NEMF: variants seen among roughly 807,000 people sequenced by gnomAD.
NEMF encodes the protein ribosome quality control complex subunit NEMF.
A neutral mutation model predicts 162.2 loss-of-function variants in NEMF; 89 were observed. That is an observed-to-expected ratio of 0.55 (90% CI 0.46 to 0.65). NEMF has a LOEUF of 0.65. NEMF is among the 30% of genes least tolerant of loss of function. The pLI is 0.00. For missense variants in NEMF, 1,133 were observed against 1,261.9 expected, an observed-to-expected ratio of 0.90 and a Z score of 1.55; for synonymous variants, 421 against 404.5, an observed-to-expected ratio of 1.04 and a Z score of -0.49.
rs903407346 is a variant in NEMF at position 49,799,513 on chromosome 14, T to C, written c.2427A>G (p.Lys809=). Residue 809 remains lysine (K), a synonymous_variant, in exon 25 of 33, where the codon AAA becomes AAG. Coordinates refer to ENST00000298310, the MANE Select transcript of NEMF (RefSeq NM_004713.6). ...KEESSNSSDS[K]SQSRRHLSAK... Reference sequence around the variant, plus strand: ...CTGACAAATGTCTCCGGCTCTGTGATTTACTGTCACTCTATTAAAACAAAA... The same window carrying C: ...CTGACAAATGTCTCCGGCTCTGTGACTTACTGTCACTCTATTAAAACAAAA... 6.2e-7 allele frequency: 1 copy of C among 1,612,230 alleles called. No homozygotes were observed. The highest frequency in any genetic ancestry group is 8.5e-7 in the Non-Finnish European group (1 of 1,179,580).
chr14:49,824,126 T>C (rs779774334), intron 16 of NEMF, among the ~76,000 whole-genome samples: 10 of 151,996 alleles, frequency 6.6e-5, no homozygotes, highest in African/African-American at 9.7e-5. Flanking sequence ...GCCAAGATCA[T>C]GCCACTGCAC....
chr14:49,842,920 C>T (rs527554328), intron 4 of NEMF, among the ~76,000 whole-genome samples: 7 of 151,756 alleles, frequency 4.6e-5, no homozygotes, highest in East Asian at 1.9e-4. Flanking sequence ...GCAGGAGAAT[C>T]GCTTGAACCC....
At chr14:49,842,104 T>TTAAG (rs1893241674) in intron 4 of NEMF, among the ~76,000 whole-genome samples, 1 of 140,662 alleles carries the variant, frequency 7.1e-6, no homozygotes, top group Non-Finnish European at 1.5e-5. Context: ...AAACTCCGTC[T>TTAAG]CAAAAAAAAA....
At position 49,806,118 on chromosome 14, in the gene NEMF, G is replaced by A; in HGVS notation, c.1760C>T (p.Pro587Leu). 1 of 1,610,634 alleles carries A rather than the reference G, an allele frequency of 6.2e-7. No individual in the cohort carries two copies. The highest frequency in any genetic ancestry group is 1.7e-5 in the Admixed American group (1 of 59,702). Residue 587 changes from proline to leucine, a missense_variant, in exon 19 of 33, where the codon CCA becomes CTA. Physicochemically the swap from Pro to Leu is moderately conservative, Grantham distance 98 (BLOSUM62 -3). Coordinates refer to ENST00000298310, the MANE Select transcript of NEMF (RefSeq NM_004713.6). ...TGTGCCAGCTTCAGTCAAGGTCCGTGGGGGGATGGGTTCTCCTAGAATAAC... is the reference window on the plus strand; with the variant it reads ...TGTGCCAGCTTCAGTCAAGGTCCGTAGGGGGATGGGTTCTCCTAGAATAAC... ...IKNPTGEPIPPRTLTEAGTMA... is the reference protein window; with the variant it reads ...IKNPTGEPIPLRTLTEAGTMA...
chr14:49,806,160 A>G (rs1891178141), intron 18 of NEMF, 27 bp from the exon 19 acceptor site: 1 of 1,541,522 alleles, frequency 6.5e-7, no homozygotes, highest in African/African-American at 1.4e-5. Flanking sequence ...TAATGTTTCA[A>G]TACCAAAGTA....
chr14:49,820,242 G>A (rs762002422), intron 16 of NEMF: 1 of 344,000 alleles, frequency 2.9e-6, no homozygotes, highest in Non-Finnish European at 5.8e-6. Context: ...GAGCCACTGT[G>A]GCTGGCCCCC....
Position 49,789,143 on chromosome 14 carries a change from T to C in NEMF, c.2895+3A>G. ...GAAGCAGAAGCCCACAAAGTAGCCA[T>C]ACCTTGTCATCATGTGGATCATCTA... On this transcript the variant is annotated splice_donor_region_variant and intron_variant, in intron 28 of 32. Transcript: ENST00000298310. 3 of 1,612,470 alleles carry C rather than the reference T, an allele frequency of 1.9e-6. No individual in the cohort carries two copies. Among genetic ancestry groups the C allele is most frequent in the Non-Finnish European group, 2.5e-6 (3 of 1,178,922 alleles).
chr14:49,802,509 A>G lies in NEMF; in HGVS notation c.2039T>C (p.Met680Thr), dbSNP rs748468795. 1.2e-6 allele frequency: 2 copies of G among 1,613,916 alleles called. No homozygotes were observed. The highest frequency in any genetic ancestry group is 1.7e-6 in the Non-Finnish European group (2 of 1,179,872). Residue 680 changes from methionine (M) to threonine (T), a missense_variant, in exon 22 of 33, where the codon ATG (methionine) becomes ACG (threonine). This residue lies in a region of NEMF where 532 missense variants were observed against 578.6 expected (regional missense o/e 0.92). Transcript: ENST00000298310. Reference protein sequence around the residue: ...ERKVRVQDEDMETLASCTSEL... With the variant: ...ERKVRVQDEDTETLASCTSEL... ...ACTTGTACAACTTGCCAGTGTCTCC[A>G]TGTCTTCATCCTGTACTCTGACTTT...
intron 4 of NEMF, 156 bp downstream of exon 4, chr14:49,845,984 T>A: frequency 1.7e-6 from 1 of 594,226 alleles, no homozygotes. Flanking sequence ...AGGTTATTAC[T>A]GGAAAATTTT....
Position 49,803,259 on chromosome 14 carries a change from T to C in NEMF, c.1893A>G (p.Thr631=). The change falls in exon 20 of 33, where the codon ACA becomes ACG. Residue 631 remains threonine (T), a synonymous_variant. Transcript: ENST00000298310. ...SKTAPTGEYL[T]TGSFMIRGKK... is the part of the protein sequence containing the mutation. ...TACCTCTTATCATGAAGCTTCCTGT[T>C]GTCAAATATTCTCCAGTTGGTGCTG... 6.2e-7 allele frequency: 1 copy of C among 1,610,148 alleles called. No individual in the cohort carries two copies. The highest frequency in any genetic ancestry group is 8.5e-7 in the Non-Finnish European group (1 of 1,176,620).
At position 49,783,385 on chromosome 14, in the gene NEMF, A is replaced by G. The variant is rs1386444147; in HGVS notation, c.*1251T>C. Reference sequence around the variant, plus strand: ...ATAATAAAGGTTTTTTTTTTTAAACATTAATATTCACATTATGACGAAGCT... The same window carrying G: ...ATAATAAAGGTTTTTTTTTTTAAACGTTAATATTCACATTATGACGAAGCT... On this transcript the variant is annotated 3_prime_UTR_variant, in exon 33 of 33. Transcript: ENST00000298310. 6.6e-6 allele frequency: 1 copy of G among 151,512 alleles called. No homozygotes were observed. The highest frequency in any genetic ancestry group is 1.5e-5 in the Non-Finnish European group (1 of 68,122). The allele number at this position is 151,512 out of a possible 1,614,324, so 9.4% of individuals were successfully genotyped here.
intron 5 of NEMF, among the ~76,000 whole-genome samples, chr14:49,838,583 T>A (rs150418716): frequency 1.5e-3 from 223 of 149,676 alleles, no homozygotes; most frequent in African/African-American, 5.3e-3. Flanking sequence ...TTTTTTTGTT[T>A]GGTTTTTTTT....
intron 26 of NEMF, among the ~76,000 whole-genome samples, chr14:49,793,732 A>G (rs1344994464): frequency 6.6e-6 from 1 of 152,158 alleles, no homozygotes; most frequent in African/African-American, 2.4e-5. Context: ...TTGCGTACCC[A>G]TAATTTTTTT....
intron 14 of NEMF, 62 bp downstream of exon 14, chr14:49,828,554 C>G (rs1892478069): frequency 1.5e-6 from 2 of 1,330,784 alleles, no homozygotes; most frequent in African/African-American, 3.0e-5. Flanking sequence ...TTTAAAATGT[C>G]CTTAATTCCT....
At chr14:49,838,785 C>T (rs1171107573) in intron 5 of NEMF, among the ~76,000 whole-genome samples, 8 of 151,966 alleles carry the variant, frequency 5.3e-5, no homozygotes, top group South Asian at 2.1e-4. Flanking sequence ...GGGGTTTCAC[C>T]GTGTTAGCCA....
intron 3 of NEMF, among the ~76,000 whole-genome samples, chr14:49,847,152 G>C (rs1893543760): frequency 6.6e-6 from 1 of 151,516 alleles, no homozygotes; most frequent in Admixed American, 6.6e-5. Flanking sequence ...CCAAAGTGCT[G>C]GGATTACAGG....
At position 49,789,095 on chromosome 14, in the gene NEMF, G is replaced by C. The variant is rs539963732; in HGVS notation, c.2895+51C>G. 1.1e-5 allele frequency: 16 copies of C among 1,470,662 alleles called. No individual in the cohort carries two copies. The Admixed American group carries it at 1.7e-4, about 16-fold the overall frequency. The allele number at this position is 1,470,662 out of a possible 1,614,324, so 91.1% of individuals were successfully genotyped here. Reference sequence around the variant, plus strand: ...AAAGTCCCATGTCCTGGGAACTCCAGGATGGGTAATCACCCTAATTAAGAA... The same window carrying C: ...AAAGTCCCATGTCCTGGGAACTCCACGATGGGTAATCACCCTAATTAAGAA... On this transcript the variant is annotated intron_variant, in intron 28 of 32. Coordinates refer to ENST00000298310, the MANE Select transcript of NEMF (RefSeq NM_004713.6).
At chr14:49,815,129 AT>A (rs1891657035) in intron 16 of NEMF, among the ~76,000 whole-genome samples, 2 of 152,206 alleles carry the variant, frequency 1.3e-5, no homozygotes, top group African/African-American at 2.4e-5. Context: ...CTAACAATAA[AT>A]TTCATAAAGC....
chr14:49,819,170 A>AAT, intron 16 of NEMF, among the ~76,000 whole-genome samples: 1 of 152,202 alleles, frequency 6.6e-6, no homozygotes, highest in East Asian at 1.9e-4. Flanking sequence ...AAAAACTAAC[A>AAT]AGTTACAGTA....
Sources: allele counts gnomAD v4.1 joint callset (sites outside exome capture counted in the v4.1 genomes callset), GRCh38; gene constraint gnomAD v4.1.1; regional missense constraint gnomAD v4.1.1; transcripts MANE v1.5; gene names NCBI Gene and HGNC (gene_info 2026-07-23, HGNC 2026-07-21).